Variants in CD6 observed in about 807,000 individuals in gnomAD.
CD6 encodes CD6 molecule.
CD6 carries 53 observed loss-of-function variants against 75.3 expected under a neutral mutation model. The observed-to-expected ratio is 0.70, with a 90% CI of 0.56 to 0.88. The LOEUF (loss-of-function observed/expected upper bound fraction) is 0.88, where lower values mean the gene tolerates loss of function less well. CD6 is among the 40% of genes least tolerant of loss of function. CD6 has a pLI of 0.00. For missense variants in CD6, 770 were observed against 897.1 expected (o/e 0.86, Z 1.81); for synonymous variants, 359 against 381.5 (o/e 0.94, Z 0.69).
chr11:60,995,136 T>C (rs1238769), intron 1 of CD6, among the ~76,000 whole-genome samples: 22 of 149,526 alleles, frequency 1.5e-4, no homozygotes, highest in South Asian at 4.2e-4. Context: ...TTTTTTTTTT[T>C]CTTTTTCTTT....
intron 12 of CD6, 119 bp from the exon 13 acceptor site, chr11:61,019,135 T>C: frequency 1.5e-6 from 1 of 671,614 alleles, no homozygotes; most frequent in Non-Finnish European, 2.6e-6. Flanking sequence ...GATGATCAGA[T>C]GGCTTCATGC....
At chr11:60,989,079 C>A (rs918580567) in intron 1 of CD6, among the ~76,000 whole-genome samples, 3 of 152,176 alleles carry the variant, frequency 2.0e-5, no homozygotes, top group African/African-American at 7.2e-5. Flanking sequence ...TGCCCTCTCC[C>A]TAGAATGCCT....
chr11:61,007,757 C>CTT lies in CD6; in HGVS notation c.316_317insTT (p.Pro106LeufsTer11). On this transcript the variant is annotated frameshift_variant, in exon 3 of 13. Coordinates refer to ENST00000313421, the MANE Select transcript of CD6 (RefSeq NM_006725.5). LOFTEE classifies it high-confidence loss of function. The surrounding 1 kb of genome is among the most constrained non-coding windows in gnomAD (Gnocchi z 4.2). The stretch of plus-strand genomic sequence containing the variant: ...CGCCCCGCCGACCCCTGAGCTGCCG[C>CTT]CCCCGCCTGCAGCCGGGAACACCAG... The CTT allele has an allele frequency of 6.9e-7, 1 of 1,455,070 alleles. No homozygotes were observed. Among genetic ancestry groups the CTT allele is most frequent in the African/African-American group, 1.5e-5 (1 of 67,914 alleles). The allele number at this position is 1,455,070 out of a possible 1,614,324, so 90.1% of individuals were successfully genotyped here. A position where few individuals can be genotyped will look rare whatever the true frequency, so the allele number is the denominator to read the frequency against.
At chr11:61,000,832 G>A (rs1224374954) in intron 1 of CD6, among the ~76,000 whole-genome samples, 1 of 152,148 alleles carries the variant, frequency 6.6e-6, no homozygotes, top group African/African-American at 2.4e-5. Context: ...TCCGCAGCCC[G>A]TTCCACTGGA....
chr11:60,975,124 ATATTTTATTT>A (rs10540934), intron 1 of CD6, among the ~76,000 whole-genome samples: 1 of 151,548 alleles, frequency 6.6e-6, no homozygotes, highest in East Asian at 1.9e-4. Context: ...CATACTAATC[ATATTTTATTT>A]TATAAGCCCT....
chr11:61,001,745 T>C (rs1335328623), intron 1 of CD6, among the ~76,000 whole-genome samples: 4 of 152,232 alleles, frequency 2.6e-5, no homozygotes, highest in Non-Finnish European at 4.4e-5. Context: ...TGGCTGTGAC[T>C]GTGTCCCACG....
chr11:61,003,385 A>C (rs1182455315), intron 1 of CD6, among the ~76,000 whole-genome samples: 1 of 152,222 alleles, frequency 6.6e-6, no homozygotes, highest in African/African-American at 2.4e-5. Flanking sequence ...AATTTATTGC[A>C]GCAAAAAAGT....
Position 60,982,715 on chromosome 11 carries a change from G to C in CD6, c.49+10801G>C, listed in dbSNP as rs11822332. 4,495 of 456,048 alleles carry C rather than the reference G, an allele frequency of 9.9e-3. 167 individuals carry two copies. Among genetic ancestry groups the C allele is most frequent in the African/African-American group, 0.079 (3,976 of 50,166 alleles). The allele number at this position is 456,048 out of a possible 1,614,324, so 28.3% of individuals were successfully genotyped here. On this transcript the variant is annotated intron_variant, in intron 1 of 12. Coordinates refer to ENST00000313421, the MANE Select transcript of CD6 (RefSeq NM_006725.5). ...TAGAAGTATGACAATGTCTGAGCTG[G>C]AAGAAACCCCAGCGAGCTGCCAGCC...
At position 61,017,488 on chromosome 11, in the gene CD6, G is replaced by C. The variant is rs753231088; in HGVS notation, c.1520G>C (p.Arg507Pro). Reference protein sequence around the residue: ...VALTTFYNSQRHRVTDEEVQQ... With the variant: ...VALTTFYNSQPHRVTDEEVQQ... ...CCGCCTCTGCTTGCAGATTCCCAGC[G>C]GCATCGGGTCACAGATGAGGAGGTC... is the stretch of plus-strand genomic sequence containing the variant. Residue 507 changes from arginine (R) to proline (P), a missense_variant, in exon 10 of 13, where the codon CGG (arginine) becomes CCG (proline). Physicochemically the swap from Arg to Pro is moderately radical, Grantham distance 103. Coordinates refer to ENST00000313421, the MANE Select transcript of CD6 (RefSeq NM_006725.5). 1.3e-6 allele frequency: 2 copies of C among 1,549,316 alleles called. No homozygotes were observed. The highest frequency in any genetic ancestry group is 2.4e-5 in the South Asian group (2 of 83,954).
intron 1 of CD6, among the ~76,000 whole-genome samples, chr11:60,981,466 C>G (rs933787982): frequency 1.3e-5 from 2 of 152,218 alleles, no homozygotes; most frequent in African/African-American, 4.8e-5. Context: ...ATCAGCTGGG[C>G]CGTCATGGAA....
intron 1 of CD6, among the ~76,000 whole-genome samples, chr11:60,979,989 T>G (rs1857502191): frequency 6.6e-6 from 1 of 152,198 alleles, no homozygotes; most frequent in South Asian, 2.1e-4. Flanking sequence ...GCACCAGCTA[T>G]GCATATGCTG....
intron 4 of CD6, 152 bp downstream of exon 4, chr11:61,008,997 C>T: frequency 2.9e-6 from 2 of 682,158 alleles, no homozygotes; most frequent in Non-Finnish European, 4.6e-6. Flanking sequence ...AAACATAATT[C>T]AGGAGAGAAA....
chr11:61,018,772 C>G, intron 12 of CD6: 1 of 282,498 alleles, frequency 3.5e-6, no homozygotes, highest in Non-Finnish European at 6.7e-6. Flanking sequence ...GAGCTATGAT[C>G]GTATCACTGT....
At chr11:61,002,397 T>C (rs1858626232) in intron 1 of CD6, among the ~76,000 whole-genome samples, 1 of 151,792 alleles carries the variant, frequency 6.6e-6, no homozygotes, top group African/African-American at 2.4e-5. Flanking sequence ...CTACCAAAAA[T>C]ACAAAAAAAT....
intron 5 of CD6, among the ~76,000 whole-genome samples, chr11:61,010,564 G>A (rs546622312): frequency 1.2e-4 from 19 of 152,154 alleles, no homozygotes; most frequent in Non-Finnish European, 2.2e-4. Context: ...TGCCATTTAC[G>A]AGCAAGGAGG....
At position 61,000,874 on chromosome 11, in the gene CD6, G is replaced by A. The variant is rs551312546; in HGVS notation, c.50-5700G>A. ...TTCCCACTACCCCATTGGAGGTTCTGTCCCACTCGGGGACTTCTGCATGGG... is the reference window on the plus strand; with the variant it reads ...TTCCCACTACCCCATTGGAGGTTCTATCCCACTCGGGGACTTCTGCATGGG... On this transcript the variant is annotated intron_variant, in intron 1 of 12. Coordinates refer to ENST00000313421, the MANE Select transcript of CD6 (RefSeq NM_006725.5). Among the ~76,000 whole-genome samples the A allele has an allele frequency of 7.9e-5, 12 of 152,274 alleles. 2 individuals are homozygous for A. Among genetic ancestry groups the A allele is most frequent in the African/African-American group, 2.9e-4 (12 of 41,560 alleles).
At chr11:60,977,366 A>T (rs1857403863) in intron 1 of CD6, among the ~76,000 whole-genome samples, 1 of 151,980 alleles carries the variant, frequency 6.6e-6, no homozygotes, top group African/African-American at 2.4e-5. Context: ...GGACACCATG[A>T]GCTTTAACAT....
intron 3 of CD6, 113 bp from the exon 4 acceptor site, chr11:61,008,421 C>A (rs1858981031): frequency 9.8e-7 from 1 of 1,020,034 alleles, no homozygotes; most frequent in Non-Finnish European, 1.4e-6. Context: ...CGGGCTACAG[C>A]CCTCTCACTG....
intron 1 of CD6, among the ~76,000 whole-genome samples, chr11:60,984,211 A>G (rs144864938): frequency 5.5e-4 from 84 of 152,258 alleles, no homozygotes; most frequent in Non-Finnish European, 1.0e-3. Context: ...TAGTTGTAAC[A>G]TTATTGTTGA....
Sources: gnomAD v4.1 joint callset for allele counts (sites outside exome capture counted in the v4.1 genomes callset) on GRCh38, gnomAD v4.1.1 for gene constraint, Gnocchi (gnomAD v3.1) non-coding constraint, MANE v1.5 for transcripts, NCBI Gene and HGNC (gene_info 2026-07-23, HGNC 2026-07-21) for gene names.